ZNF280C: variants seen among roughly 807,000 people sequenced by gnomAD.
The protein encoded by ZNF280C is suppressor of hairy wing homolog 3.
Under a neutral mutation model 53.6 loss-of-function variants are expected in ZNF280C, and 14 were observed. The ratio of observed to expected loss-of-function variants is 0.26; its 90% CI spans 0.17 to 0.41. The LOEUF (loss-of-function observed/expected upper bound fraction) is 0.41, where lower values mean the gene tolerates loss of function less well. Among genes scored for constraint, ZNF280C ranks in the 10% least tolerant of loss-of-function variants. The pLI is 1.00. For synonymous variants in ZNF280C, 203 were observed against 181.1 expected, an observed-to-expected ratio of 1.12 and a Z score of -0.97; for missense variants, 416 against 547.1, an observed-to-expected ratio of 0.76 and a Z score of 2.39.
At position 130,215,483 on chromosome X, in the gene ZNF280C, C is replaced by T. The variant is rs146082593; in HGVS notation, c.1839-150G>A. ...ATTTCAAAATTTGCTTTGAAACAAG[C>T]TAGAGTAAGTGTAAAAAATTTAACA... On this transcript the variant is annotated intron_variant, in intron 14 of 18. Coordinates refer to ENST00000370978, the MANE Select transcript of ZNF280C (RefSeq NM_017666.5). 1,361 of 564,815 alleles carry T rather than the reference C, an allele frequency of 2.4e-3. 17 individuals are homozygous for T. The African/African-American group carries it at 0.03, about 12-fold the overall frequency. The allele number at this position is 564,815 out of a possible 1,213,427, so 46.5% of individuals were successfully genotyped here. A position where few individuals can be genotyped will look rare whatever the true frequency, so the allele number is the denominator to read the frequency against.
chrX:130,228,275 ATTATT>A (rs765075400), intron 10 of ZNF280C, among the ~76,000 whole-genome samples: 10 of 111,580 alleles, frequency 9.0e-5, no homozygotes, highest in East Asian at 5.5e-4. Flanking sequence ...AAAGATTTCA[ATTATT>A]TTATTTTATT....
rs1308375686 is a variant in ZNF280C, at chrX:130,243,600, G to A, written c.344C>T (p.Ser115Leu). ...ATTCTCAACAGTAACAGAGCTTTGTGAAGATTTAGATACAAGATGAAATCT... is the reference window on the plus strand; with the variant it reads ...ATTCTCAACAGTAACAGAGCTTTGTAAAGATTTAGATACAAGATGAAATCT... Reference protein sequence around the residue: ...SPRFHLVSKSSQSSVTVENAS... With the variant: ...SPRFHLVSKSLQSSVTVENAS... The change falls in exon 5 of 19, where the codon TCA becomes TTA. Residue 115 changes from serine (S) to leucine (L), a missense_variant. Ser to Leu is a moderately radical substitution (Grantham distance 145). Around this residue, in one of 3 missense-constraint regions of ZNF280C, gnomAD observed 193 missense variants for 201.4 expected, o/e 0.96. Transcript: ENST00000370978. 1 of 1,210,735 alleles carries A rather than the reference G, an allele frequency of 8.3e-7. No individual in the cohort carries two copies. Among genetic ancestry groups the A allele is most frequent in the Non-Finnish European group, 1.1e-6 (1 of 894,475 alleles).
intron 2 of ZNF280C, among the ~76,000 whole-genome samples, chrX:130,260,063 A>G (rs1471626581): frequency 1.8e-5 from 2 of 111,335 alleles, no homozygotes; most frequent in Non-Finnish European, 3.8e-5. Flanking sequence ...CGGGTGGATC[A>G]CGAAGTCAGG....
chrX:130,224,209 C>T (rs968230338), intron 12 of ZNF280C, among the ~76,000 whole-genome samples: 1 of 111,485 alleles, frequency 9.0e-6, no homozygotes, highest in Non-Finnish European at 1.9e-5. Context: ...AAAAGGGACC[C>T]TAGAGAGCCC....
intron 8 of ZNF280C, among the ~76,000 whole-genome samples, chrX:130,235,214 A>G (rs2032317979): frequency 1.8e-5 from 2 of 112,653 alleles, no homozygotes. Flanking sequence ...CATTATTTTC[A>G]TTTAAAATTA....
intron 16 of ZNF280C, among the ~76,000 whole-genome samples, chrX:130,206,097 G>T (rs1299239805): frequency 9.1e-6 from 1 of 110,382 alleles, no homozygotes; most frequent in Admixed American, 9.8e-5. Flanking sequence ...ATATTCATTT[G>T]CTGACAACCT....
chrX:130,238,872 T>G (rs906888876), intron 6 of ZNF280C, among the ~76,000 whole-genome samples: 4 of 111,602 alleles, frequency 3.6e-5, no homozygotes, highest in African/African-American at 1.3e-4. Flanking sequence ...TGTTCCTCTT[T>G]CCATTTAGTG....
At chrX:130,206,361 G>GTTTTTTTTTTTTTTTTTTTTT (rs1048503644) in intron 16 of ZNF280C, among the ~76,000 whole-genome samples, 2 of 73,484 alleles carry the variant, frequency 2.7e-5, no homozygotes, top group African/African-American at 5.4e-5. Flanking sequence ...GACTTCTTTA[G>GTTTTTTTTTTTTTTTTTTTTT]TTTTTTTTTT....
chrX:130,257,677 C>T (rs2032589776), intron 2 of ZNF280C, among the ~76,000 whole-genome samples: 1 of 111,883 alleles, frequency 8.9e-6, no homozygotes. Context: ...CACACATACA[C>T]ACCTATCTCT....
intron 8 of ZNF280C, among the ~76,000 whole-genome samples, chrX:130,235,240 G>A (rs1482812548): frequency 1.8e-5 from 2 of 112,445 alleles, no homozygotes; most frequent in South Asian, 3.6e-4. Context: ...CAGGCCAGGC[G>A]CAGTGGCTCA....
At chrX:130,213,197 C>CA (rs925758388) in intron 15 of ZNF280C, among the ~76,000 whole-genome samples, 5 of 108,486 alleles carry the variant, frequency 4.6e-5, no homozygotes, top group Admixed American at 9.9e-5. Context: ...ACTACAGATA[C>CA]AAAAAAAATA....
At chrX:130,239,548 T>C in intron 6 of ZNF280C, 34 bp downstream of exon 6, 1 of 890,233 alleles carries the variant, frequency 1.1e-6, no homozygotes, top group Non-Finnish European at 1.6e-6. Context: ...CAAGTCTCTT[T>C]TTATAATTTT....
intron 13 of ZNF280C, among the ~76,000 whole-genome samples, chrX:130,216,850 A>G (rs925806652): frequency 9.0e-6 from 1 of 110,743 alleles, no homozygotes; most frequent in Admixed American, 9.6e-5. Flanking sequence ...AATACAAAAA[A>G]TTAGCCAGGC....
chrX:130,261,167 G>A (rs1014369194), intron 1 of ZNF280C, among the ~76,000 whole-genome samples: 2 of 111,779 alleles, frequency 1.8e-5, no homozygotes, highest in African/African-American at 6.5e-5. Context: ...ATAAGCCATA[G>A]TCCTTGCCTT....
chrX:130,216,194 G>T, intron 13 of ZNF280C, 93 bp from the exon 14 acceptor site: 1 of 844,335 alleles, frequency 1.2e-6, no homozygotes, highest in Non-Finnish European at 1.7e-6. Context: ...CACATTTACG[G>T]TAAACTGGCA....
intron 15 of ZNF280C, among the ~76,000 whole-genome samples, chrX:130,214,749 A>G (rs2124698314): frequency 8.9e-6 from 1 of 112,154 alleles, no homozygotes; most frequent in East Asian, 2.8e-4. Context: ...TTAGAGAATA[A>G]TGGGAAAAAG....
In ZNF280C at chrX:130,203,346, T is replaced by A. The variant is rs1325336206; in HGVS notation, c.*1631A>T. ...TAAAACCTAGCTACCAAAATAAAAT[T>A]AAAAAAAAAGTTTAAAAATGTGAGT... On this transcript the variant is annotated 3_prime_UTR_variant, in exon 19 of 19. Coordinates refer to ENST00000370978, the MANE Select transcript of ZNF280C (RefSeq NM_017666.5). 9.1e-6 allele frequency: 1 copy of A among 109,425 alleles called. No individual in the cohort carries two copies. Among genetic ancestry groups the A allele is most frequent in the Non-Finnish European group, 1.9e-5 (1 of 52,354 alleles). The allele number at this position is 109,425 out of a possible 1,213,427, so 9.0% of individuals were successfully genotyped here. A position where few individuals can be genotyped will look rare whatever the true frequency, so the allele number is the denominator to read the frequency against.
At chrX:130,218,870 G>A (rs1243320684) in intron 13 of ZNF280C, among the ~76,000 whole-genome samples, 1 of 111,290 alleles carries the variant, frequency 9.0e-6, no homozygotes, top group East Asian at 2.8e-4. Context: ...AAGACATATA[G>A]TATCATTATT....
At chrX:130,257,865 T>C (rs954568417) in intron 2 of ZNF280C, among the ~76,000 whole-genome samples, 1 of 112,950 alleles carries the variant, frequency 8.9e-6, no homozygotes, top group South Asian at 3.6e-4. Flanking sequence ...CTCACGCCTT[T>C]AATCCCAGCA....
Sources: gnomAD v4.1 joint callset for allele counts (sites outside exome capture counted in the v4.1 genomes callset) on GRCh38, gnomAD v4.1.1 for gene constraint, gnomAD v4.1.1 regional missense constraint, MANE v1.5 for transcripts, NCBI Gene and HGNC (gene_info 2026-07-23, HGNC 2026-07-21) for gene names.